Variants in MAP4 observed in about 807,000 individuals in gnomAD.
MAP4 encodes microtubule-associated protein 4.
Under a neutral mutation model 170.2 loss-of-function variants are expected in MAP4, and 76 were observed. The observed-to-expected ratio is 0.45, with a 90% CI of 0.37 to 0.54. The LOEUF (loss-of-function observed/expected upper bound fraction) is 0.54. MAP4 is among the 20% of genes least tolerant of loss of function. The probability of loss-of-function intolerance (pLI) is 0.00; values close to 1 mark genes in which losing one functional copy is unlikely to be tolerated. For missense variants in MAP4, 2,506 were observed against 2,748.0 expected (o/e 0.91, Z 1.97); for synonymous variants, 909 against 994.5 (o/e 0.91, Z 1.62).
chr3:47,918,368 C>T (rs1045656738), intron 6 of MAP4, among the ~76,000 whole-genome samples: 18 of 152,104 alleles, frequency 1.2e-4, no homozygotes, highest in African/African-American at 4.8e-5. Flanking sequence ...GATCTGCCTG[C>T]CTCAGCTTCC....
chr3:48,052,596 T>C (rs2100128524), intron 1 of MAP4, among the ~76,000 whole-genome samples: 1 of 152,208 alleles, frequency 6.6e-6, no homozygotes, highest in Admixed American at 6.5e-5. Flanking sequence ...ACCACTGAAC[T>C]GTACATTTTA....
chr3:47,900,598 C>T (rs759856562), intron 10 of MAP4, among the ~76,000 whole-genome samples: 19 of 151,712 alleles, frequency 1.3e-4, no homozygotes, highest in Admixed American at 6.6e-4. Context: ...TAGCTGGGTG[C>T]GGTGGTGTGC....
intron 3 of MAP4, among the ~76,000 whole-genome samples, chr3:47,971,716 G>T (rs1462717921): frequency 2.0e-5 from 3 of 152,130 alleles, no homozygotes; most frequent in Non-Finnish European, 4.4e-5. Context: ...CACTGTAATG[G>T]AAACGGCATC....
chr3:47,902,744 G>A, intron 10 of MAP4, among the ~76,000 whole-genome samples: 1 of 150,286 alleles, frequency 6.7e-6, no homozygotes, highest in Non-Finnish European at 1.5e-5. Flanking sequence ...GAGTAATGAG[G>A]AAAGGAACTT....
intron 1 of MAP4, among the ~76,000 whole-genome samples, chr3:48,044,285 G>C (rs2100123213): frequency 6.6e-6 from 1 of 150,646 alleles, no homozygotes; most frequent in South Asian, 2.1e-4. Context: ...CTCCCGAGTA[G>C]CTGGGACTAC....
intron 2 of MAP4, among the ~76,000 whole-genome samples, chr3:47,990,183 A>C (rs2100091281): frequency 6.6e-6 from 1 of 152,258 alleles, no homozygotes. Context: ...TGCAAAAGAA[A>C]TACCAGTGTA....
At chr3:47,891,575 T>C in intron 10 of MAP4, 1 of 1,533,208 alleles carries the variant, frequency 6.5e-7, no homozygotes, top group Non-Finnish European at 8.7e-7. Flanking sequence ...AACTGAGAGG[T>C]GAGAACATTC....
At chr3:47,873,263 T>A (rs888928654) in intron 12 of MAP4, among the ~76,000 whole-genome samples, 1 of 152,222 alleles carries the variant, frequency 6.6e-6, no homozygotes, top group Non-Finnish European at 1.5e-5. Flanking sequence ...CTCTAGTTCC[T>A]TTTACATGGA....
At position 47,851,223 on chromosome 3, in the gene MAP4, G is replaced by A. The variant is rs1174222255; in HGVS notation, c.*1711C>T. 1 of 152,250 alleles carries A rather than the reference G, an allele frequency of 6.6e-6. No individual in the cohort carries two copies. The highest frequency in any genetic ancestry group is 2.4e-5 in the African/African-American group (1 of 41,458). The allele number at this position is 152,250 out of a possible 1,614,324, so 9.4% of individuals were successfully genotyped here. A position where few individuals can be genotyped will look rare whatever the true frequency, so the allele number is the denominator to read the frequency against. On this transcript the variant is annotated 3_prime_UTR_variant, in exon 21 of 21. Transcript: ENST00000683076. ...CTACGGAGGAAAGCTGGTCCCCCTGGCCCAGGCAGCACTTCCTCCGTGAGC... is the reference window on the plus strand; with the variant it reads ...CTACGGAGGAAAGCTGGTCCCCCTGACCCAGGCAGCACTTCCTCCGTGAGC...
At chr3:48,060,570 A>AATAGAAACTCAACAATAT (rs2100134639) in intron 1 of MAP4, among the ~76,000 whole-genome samples, 1 of 152,140 alleles carries the variant, frequency 6.6e-6, no homozygotes, top group African/African-American at 2.4e-5. Context: ...AACTCAACAG[A>AATAGAAACTCAACAATAT]TTGGGAGAAA....
intron 1 of MAP4, among the ~76,000 whole-genome samples, chr3:48,055,221 TCCGTCTCCGTCTCC>T (rs2100130298): frequency 6.7e-6 from 1 of 149,976 alleles, no homozygotes; most frequent in African/African-American, 2.5e-5. Context: ...CGTCTCCGTC[TCCGTCTCCGTCTCC>T]GTCTCCCCAT....
intron 2 of MAP4, among the ~76,000 whole-genome samples, chr3:47,985,365 G>A (rs559938296): frequency 1.3e-5 from 2 of 152,328 alleles, no homozygotes; most frequent in South Asian, 2.1e-4. Flanking sequence ...TTGAGCCTGG[G>A]GAGGTCAAGG....
intron 3 of MAP4, among the ~76,000 whole-genome samples, chr3:47,952,484 T>C (rs1410192404): frequency 6.6e-6 from 1 of 151,940 alleles, no homozygotes; most frequent in African/African-American, 2.4e-5. Flanking sequence ...AATCGGATGG[T>C]TGCTGTGTCT....
chr3:47,885,730 CTTTTT>C (rs1163508790), intron 10 of MAP4, among the ~76,000 whole-genome samples: 1 of 138,486 alleles, frequency 7.2e-6, no homozygotes, highest in Non-Finnish European at 1.6e-5. Context: ...CGCCTTTGTT[CTTTTT>C]TTTTTTTTTT....
intron 1 of MAP4, among the ~76,000 whole-genome samples, chr3:48,040,257 T>C (rs1433153830): frequency 1.3e-5 from 2 of 152,052 alleles, no homozygotes; most frequent in Non-Finnish European, 2.9e-5. Context: ...CAAAATCATA[T>C]TATTTATTTT....
At chr3:48,031,979 T>A (rs934349706) in intron 1 of MAP4, among the ~76,000 whole-genome samples, 10 of 152,166 alleles carry the variant, frequency 6.6e-5, no homozygotes, top group African/African-American at 2.4e-4. Flanking sequence ...AGTGGCACTT[T>A]ACCTCTGTGA....
In MAP4 at chr3:48,052,816, C is replaced by T. The variant is rs530495115; in HGVS notation, c.-20+35957G>A. Among the ~76,000 whole-genome samples, 5 of 152,236 alleles carry T rather than the reference C, an allele frequency of 3.3e-5. No homozygotes were observed. The South Asian group carries it at 8.3e-4, about 25-fold the overall frequency. Reference sequence around the variant, plus strand: ...ATCTCAAACCACAAGATGCACAGAACGGCTAAGAGGAAAATGAGCTTGCTG... The same window carrying T: ...ATCTCAAACCACAAGATGCACAGAATGGCTAAGAGGAAAATGAGCTTGCTG... On this transcript the variant is annotated intron_variant, in intron 1 of 18. Coordinates refer to the MAP4 transcript ENST00000360240.
chr3:47,991,844 T>C (rs921753451), intron 2 of MAP4, among the ~76,000 whole-genome samples: 3 of 152,022 alleles, frequency 2.0e-5, no homozygotes, highest in African/African-American at 4.8e-5. Context: ...AATTTTTTTG[T>C]GTTTTTAGTA....
intron 9 of MAP4, among the ~76,000 whole-genome samples, chr3:47,906,905 G>A (rs550255374): frequency 2.0e-5 from 3 of 149,904 alleles, no homozygotes; most frequent in Non-Finnish European, 4.4e-5. Context: ...GCGCGATCTC[G>A]GCTCACTGCA....
Sources: allele counts gnomAD v4.1 joint callset (sites outside exome capture counted in the v4.1 genomes callset), GRCh38; gene constraint gnomAD v4.1.1; transcripts MANE v1.5; gene names NCBI Gene and HGNC (gene_info 2026-07-23, HGNC 2026-07-21).